Variants in NELL2 observed in about 807,000 individuals in gnomAD.
The protein encoded by NELL2 is neural EGFL like 2.
Under a neutral mutation model 109.6 loss-of-function variants are expected in NELL2, and 41 were observed. That is an observed-to-expected ratio of 0.37 (90% CI 0.29 to 0.49). NELL2 has a LOEUF of 0.49. Among genes scored for constraint, NELL2 ranks in the 20% least tolerant of loss-of-function variants. NELL2 has a pLI of 0.98. For synonymous variants in NELL2, 355 were observed against 344.7 expected (o/e 1.03, Z -0.33); for missense variants, 900 against 1,008.3 (o/e 0.89, Z 1.45).
chr12:44,726,719 G>A (rs1939100885), intron 9 of NELL2, among the ~76,000 whole-genome samples: 1 of 152,034 alleles, frequency 6.6e-6, no homozygotes, highest in South Asian at 2.1e-4. Flanking sequence ...ACTTTAAAAT[G>A]AGAAAAACAG....
intron 15 of NELL2, among the ~76,000 whole-genome samples, chr12:44,606,057 C>T (rs902607875): frequency 2.6e-5 from 4 of 152,126 alleles, no homozygotes; most frequent in African/African-American, 9.7e-5. Flanking sequence ...AAGAATCCTA[C>T]ATACCAAAGA....
chr12:44,785,825 T>C (rs960585198), intron 3 of NELL2, among the ~76,000 whole-genome samples: 2 of 152,130 alleles, frequency 1.3e-5, no homozygotes, highest in African/African-American at 4.8e-5. Context: ...TGGCTAGCCA[T>C]AGGCAGAAAA....
chr12:44,562,341 CT>C (rs2136183645), intron 15 of NELL2, among the ~76,000 whole-genome samples: 1 of 152,308 alleles, frequency 6.6e-6, no homozygotes, highest in East Asian at 1.9e-4. Flanking sequence ...TAAAGAGCTT[CT>C]GCACAGCAAA....
intron 1 of NELL2, 45 bp from the exon 2 acceptor site, chr12:44,875,398 A>G (rs1411275010): frequency 6.2e-7 from 1 of 1,613,908 alleles, no homozygotes; most frequent in Non-Finnish European, 8.5e-7. Flanking sequence ...GAAAAGCTCC[A>G]TCAAAATGCA....
At chr12:44,829,474 T>A (rs529654667) in intron 2 of NELL2, among the ~76,000 whole-genome samples, 1 of 152,312 alleles carries the variant, frequency 6.6e-6, no homozygotes, top group African/African-American at 2.4e-5. Context: ...ATGTCTTAAA[T>A]TCCCAAGAAT....
intron 3 of NELL2, among the ~76,000 whole-genome samples, chr12:44,789,755 G>A (rs1271837257): frequency 6.6e-6 from 1 of 151,966 alleles, no homozygotes; most frequent in Non-Finnish European, 1.5e-5. Context: ...AAATAGTCAA[G>A]GAAATAGATA....
chr12:44,747,237 G>A lies in NELL2; in HGVS notation c.994+27510C>T, dbSNP rs143885015. Among the ~76,000 whole-genome samples the A allele has an allele frequency of 2.2e-3, 332 of 151,676 alleles. 14 individuals carry two copies. In the East Asian group the frequency reaches 0.054, roughly 25 times the overall value. On this transcript the variant is annotated intron_variant, in intron 9 of 19. Transcript: ENST00000429094. ...CACCACATGTTCTCACTCATATGTGGGAATTGAACAATGAGAACACATGGA... is the reference window on the plus strand; with the variant it reads ...CACCACATGTTCTCACTCATATGTGAGAATTGAACAATGAGAACACATGGA...
intron 9 of NELL2, among the ~76,000 whole-genome samples, chr12:44,773,463 G>T (rs1211719082): frequency 6.6e-6 from 1 of 151,800 alleles, no homozygotes; most frequent in Non-Finnish European, 1.5e-5. Flanking sequence ...GCGACAGAGC[G>T]AGGCTCCGTC....
rs530771422 is a variant in NELL2 at position 44,614,475 on chromosome 12, G to C, written c.1445-3505C>G. ...CTGTGTGTCATAATTTCTTTGTTCT[G>C]CATCTGTACATACAATGTAAACCTG... On this transcript the variant is annotated intron_variant, in intron 13 of 19. Coordinates refer to ENST00000429094, the MANE Select transcript of NELL2 (RefSeq NM_001145108.2). Among the ~76,000 whole-genome samples the C allele has an allele frequency of 4.6e-4, 70 of 151,954 alleles. 1 individual carries two copies. The highest frequency in any genetic ancestry group is 1.6e-3 in the African/African-American group (67 of 41,456).
chr12:44,780,144 A>T, intron 3 of NELL2, 122 bp from the exon 4 acceptor site: 2 of 943,344 alleles, frequency 2.1e-6, no homozygotes, highest in South Asian at 3.3e-5. Context: ...GTACAACTAG[A>T]CATCATATAC....
At chr12:44,694,997 A>G (rs1205855321) in intron 12 of NELL2, among the ~76,000 whole-genome samples, 1 of 151,640 alleles carries the variant, frequency 6.6e-6, no homozygotes, top group Non-Finnish European at 1.5e-5. Flanking sequence ...GCTGAAAAAA[A>G]GAGAAGAAAG....
At chr12:44,542,694 C>A (rs746859907) in intron 15 of NELL2, among the ~76,000 whole-genome samples, 35 of 152,272 alleles carry the variant, frequency 2.3e-4, no homozygotes, top group Non-Finnish European at 4.3e-4. Context: ...CAACTCTCCA[C>A]CACATCCTCA....
chr12:44,625,281 C>T (rs1405986777), intron 13 of NELL2, among the ~76,000 whole-genome samples: 5 of 151,750 alleles, frequency 3.3e-5, no homozygotes, highest in East Asian at 1.9e-4. Context: ...TGACTGCCTT[C>T]ATTATAAAGA....
At chr12:44,636,225 G>T (rs551988547) in intron 13 of NELL2, among the ~76,000 whole-genome samples, 37 of 152,208 alleles carry the variant, frequency 2.4e-4, no homozygotes, top group African/African-American at 8.7e-4. Flanking sequence ...CATGTCATTT[G>T]CAAACAGAGA....
At chr12:44,570,287 T>C (rs1408809858) in intron 15 of NELL2, among the ~76,000 whole-genome samples, 1 of 152,168 alleles carries the variant, frequency 6.6e-6, no homozygotes, top group Non-Finnish European at 1.5e-5. Flanking sequence ...GCGATGCTGG[T>C]GCTCCACAAT....
At chr12:44,784,848 C>T (rs1038918645) in intron 3 of NELL2, among the ~76,000 whole-genome samples, 1 of 152,176 alleles carries the variant, frequency 6.6e-6, no homozygotes, top group Non-Finnish European at 1.5e-5. Flanking sequence ...ATGCTAAAAA[C>T]ACTCAATAAA....
At chr12:44,778,772 C>T (rs1941845370) in intron 5 of NELL2, among the ~76,000 whole-genome samples, 1 of 152,140 alleles carries the variant, frequency 6.6e-6, no homozygotes, top group African/African-American at 2.4e-5. Flanking sequence ...AAAAATGACC[C>T]TGCATCAAGA....
chr12:44,546,339 C>T (rs562359530), intron 15 of NELL2, among the ~76,000 whole-genome samples: 8 of 152,090 alleles, frequency 5.3e-5, no homozygotes, highest in African/African-American at 1.9e-4. Context: ...TGGCTTTGAG[C>T]GAGTGTCATA....
intron 3 of NELL2, among the ~76,000 whole-genome samples, chr12:44,809,037 T>C (rs746065261): frequency 6.6e-6 from 1 of 152,112 alleles, no homozygotes; most frequent in African/African-American, 2.4e-5. Context: ...ATCAGCAAAA[T>C]TCCTAATAAA....
Sources: gnomAD v4.1 joint callset for allele counts (sites outside exome capture counted in the v4.1 genomes callset) on GRCh38, gnomAD v4.1.1 for gene constraint, MANE v1.5 for transcripts, NCBI Gene and HGNC (gene_info 2026-07-23, HGNC 2026-07-21) for gene names.